Variants in MRAP2 observed in about 807,000 individuals in gnomAD.
MRAP2 encodes the protein melanocortin-2 receptor accessory protein 2.
A neutral mutation model predicts 17.4 loss-of-function variants in MRAP2; 20 were observed. The observed-to-expected ratio is 1.15, with a 90% CI of 0.81 to 1.67. The LOEUF is 1.67. Among genes scored for constraint, MRAP2 ranks in the 40% most tolerant of loss-of-function variants. The pLI, the probability that MRAP2 is intolerant of heterozygous loss-of-function variation, is 0.00. For synonymous variants in MRAP2, 96 were observed against 88.4 expected, an observed-to-expected ratio of 1.09 and a Z score of -0.48; for missense variants, 238 against 240.0, an observed-to-expected ratio of 0.99 and a Z score of 0.05.
intron 1 of MRAP2, among the ~76,000 whole-genome samples, chr6:84,047,808 C>T (rs762604241): frequency 1.3e-5 from 2 of 152,218 alleles, no homozygotes; most frequent in African/African-American, 2.4e-5. Context: ...TTTGCACCAA[C>T]CCAATACTTG....
the MRAP2 span, among the ~76,000 whole-genome samples, chr6:84,099,862 CTT>C: frequency 6.9e-5 from 10 of 145,402 alleles, no homozygotes; most frequent in Admixed American, 1.4e-4. Context: ...TTCTCTCTCT[CTT>C]TTTTTTTTTT....
intron 1 of MRAP2, among the ~76,000 whole-genome samples, chr6:84,048,964 G>C (rs1261042164): frequency 6.6e-6 from 1 of 152,106 alleles, no homozygotes; most frequent in Non-Finnish European, 1.5e-5. Context: ...CGGAGGTGCA[G>C]TCGCATCTCA....
chr6:84,136,694 GCTCA>G, the MRAP2 span, among the ~76,000 whole-genome samples: 5 of 152,128 alleles, frequency 3.3e-5, no homozygotes, highest in African/African-American at 1.2e-4. Context: ...ACTGACATCT[GCTCA>G]CTAAGTATTT....
chr6:84,134,333 C>T, the MRAP2 span, among the ~76,000 whole-genome samples: 2 of 152,294 alleles, frequency 1.3e-5, no homozygotes, highest in East Asian at 3.9e-4. Context: ...CCACTTGGCT[C>T]CCTGGCTTCA....
At chr6:84,037,207 C>T (rs1157537172) in intron 1 of MRAP2, among the ~76,000 whole-genome samples, 2 of 150,724 alleles carry the variant, frequency 1.3e-5, no homozygotes, top group Non-Finnish European at 2.9e-5. Context: ...GAGCTAGACA[C>T]AGAGTGCTGA....
Position 84,043,635 on chromosome 6 carries a change from C to T in MRAP2, c.-8+9752C>T, listed in dbSNP as rs142594973. Among the ~76,000 whole-genome samples the T allele has an allele frequency of 6.7e-3, 935 of 138,584 alleles. 16 individuals are homozygous for T. Among genetic ancestry groups the T allele is most frequent in the African/African-American group, 0.024 (874 of 36,746 alleles). The allele number at this position is 138,584 out of a possible 152,430, so 90.9% of individuals were successfully genotyped here. On this transcript the variant is annotated intron_variant, in intron 1 of 3. Transcript: ENST00000257776. ...GTCTTCAGGCTTTTGTGTTGTCCCT[C>T]AAGCTGTGTGTGTATGGGGGGGTGA...
chr6:84,043,702 T>A lies in MRAP2; in HGVS notation c.-8+9819T>A, dbSNP rs945921422. On this transcript the variant is annotated intron_variant, in intron 1 of 3. Coordinates refer to ENST00000257776, the MANE Select transcript of MRAP2 (RefSeq NM_138409.4). ...GGGTGGGTGGGTGTATTTGAAAGAA[T>A]GAAGTTCATTGTGTGGCAGAGGATA... 4.6e-5 allele frequency among the ~76,000 whole-genome samples: 7 copies of A among 152,196 alleles called. No homozygotes were observed. In the East Asian group the frequency reaches 1.4e-3, roughly 29 times the overall value.
the MRAP2 span, among the ~76,000 whole-genome samples, chr6:84,138,077 C>T: frequency 6.6e-6 from 1 of 152,172 alleles, no homozygotes; most frequent in Non-Finnish European, 1.5e-5. Flanking sequence ...GCTCAGTTAT[C>T]TCATGGCCTA....
chr6:84,087,497 C>G (rs971394806), intron 3 of MRAP2, among the ~76,000 whole-genome samples: 1 of 152,192 alleles, frequency 6.6e-6, no homozygotes, highest in Non-Finnish European at 1.5e-5. Flanking sequence ...TTAAGCCACT[C>G]TTTTTCCTAG....
chr6:84,081,852 A>G (rs1452789839), intron 3 of MRAP2, among the ~76,000 whole-genome samples: 1 of 152,196 alleles, frequency 6.6e-6, no homozygotes, highest in Non-Finnish European at 1.5e-5. Flanking sequence ...ATAAATAAAT[A>G]AAAGTATGTG....
the MRAP2 span, among the ~76,000 whole-genome samples, chr6:84,107,289 C>T: frequency 6.6e-6 from 1 of 152,250 alleles, no homozygotes; most frequent in Non-Finnish European, 1.5e-5. Context: ...AGGCATTGTG[C>T]CCCCTTCTTG....
chr6:84,132,293 A>G, the MRAP2 span, among the ~76,000 whole-genome samples: 2 of 151,944 alleles, frequency 1.3e-5, no homozygotes, highest in Non-Finnish European at 2.9e-5. Context: ...CTTCATTTCA[A>G]CTTTGGAGAA....
At chr6:84,062,786 T>G in intron 2 of MRAP2, 107 bp from the exon 3 acceptor site, 1 of 1,543,764 alleles carries the variant, frequency 6.5e-7, no homozygotes, top group Non-Finnish European at 8.8e-7. Context: ...ACTGTTGACT[T>G]CCTTTCATGT....
the MRAP2 span, among the ~76,000 whole-genome samples, chr6:84,117,426 C>G: frequency 1.3e-5 from 2 of 151,658 alleles, no homozygotes; most frequent in African/African-American, 4.8e-5. Flanking sequence ...TGATTTTTTT[C>G]TGAATAGTTT....
chr6:84,094,066 A>G (rs1458213379), downstream of MRAP2, among the ~76,000 whole-genome samples: 1 of 152,222 alleles, frequency 6.6e-6, no homozygotes. Context: ...TCCTGGATAT[A>G]TCACAGAAAC....
chr6:84,036,679 T>C (rs2099486098), intron 1 of MRAP2, among the ~76,000 whole-genome samples: 1 of 152,126 alleles, frequency 6.6e-6, no homozygotes, highest in Non-Finnish European at 1.5e-5. Flanking sequence ...CTGAGCGCCT[T>C]ACCACTGCTG....
chr6:84,112,754 C>T, the MRAP2 span, among the ~76,000 whole-genome samples: 1 of 152,126 alleles, frequency 6.6e-6, no homozygotes, highest in Admixed American at 6.6e-5. Flanking sequence ...ATAAATTTCC[C>T]TCTACACACT....
At chr6:84,138,234 C>T in the MRAP2 span, among the ~76,000 whole-genome samples, 3 of 152,266 alleles carry the variant, frequency 2.0e-5, no homozygotes, top group East Asian at 5.8e-4. Context: ...AACTAGAAAA[C>T]AGCACAAAAT....
At chr6:84,070,851 A>T (rs566621411) in intron 3 of MRAP2, among the ~76,000 whole-genome samples, 14 of 152,234 alleles carry the variant, frequency 9.2e-5, no homozygotes, top group African/African-American at 3.4e-4. Flanking sequence ...CTGTTGCTTT[A>T]AAGTTTGTTT....
Sources: allele counts gnomAD v4.1 joint callset (sites outside exome capture counted in the v4.1 genomes callset), GRCh38; gene constraint gnomAD v4.1.1; transcripts MANE v1.5; gene names NCBI Gene and HGNC (gene_info 2026-07-23, HGNC 2026-07-21).